The following FARSB variants were observed in gnomAD, a reference collection of about 807,000 sequenced individuals.
The protein encoded by FARSB is phenylalanine--tRNA ligase beta subunit.
FARSB carries 40 observed loss-of-function variants against 69.6 expected under a neutral mutation model. The observed-to-expected ratio is 0.57, with a 90% CI of 0.45 to 0.75. The LOEUF (loss-of-function observed/expected upper bound fraction) is 0.75. Among genes scored for constraint, FARSB ranks in the 30% least tolerant of loss-of-function variants. FARSB has a pLI of 0.00. For missense variants in FARSB, 632 were observed against 722.9 expected, an observed-to-expected ratio of 0.87 and a Z score of 1.44; for synonymous variants, 235 against 247.2, an observed-to-expected ratio of 0.95 and a Z score of 0.46.
At chr2:222,643,256 T>G (rs1475226415) in intron 2 of FARSB, among the ~76,000 whole-genome samples, 1 of 152,118 alleles carries the variant, frequency 6.6e-6, no homozygotes, top group Non-Finnish European at 1.5e-5. Context: ...AAAGCACAAA[T>G]CCATCTAAAC....
chr2:222,621,524 G>A (rs1691135271), intron 13 of FARSB, among the ~76,000 whole-genome samples: 4 of 152,042 alleles, frequency 2.6e-5, no homozygotes, highest in Admixed American at 2.6e-4. Context: ...TGCCTGCCAG[G>A]AACTTTTTTA....
chr2:222,594,377 A>C (rs1690358131), intron 16 of FARSB, among the ~76,000 whole-genome samples: 1 of 152,192 alleles, frequency 6.6e-6, no homozygotes, highest in African/African-American at 2.4e-5. Flanking sequence ...GTAAGTAAAT[A>C]AATAACATTA....
At chr2:222,649,678 C>T (rs1691976850) in intron 1 of FARSB, among the ~76,000 whole-genome samples, 1 of 152,150 alleles carries the variant, frequency 6.6e-6, no homozygotes, top group African/African-American at 2.4e-5. Context: ...GATTTAAATG[C>T]TAATGCATAA....
chr2:222,655,362 T>G (rs1692145318), intron 1 of FARSB, among the ~76,000 whole-genome samples: 1 of 152,162 alleles, frequency 6.6e-6, no homozygotes, highest in Non-Finnish European at 1.5e-5. Context: ...CCCATTCAGG[T>G]CTCAGATCAA....
intron 5 of FARSB, among the ~76,000 whole-genome samples, chr2:222,636,597 A>AT (rs1462597131): frequency 2.0e-5 from 3 of 152,184 alleles, no homozygotes; most frequent in African/African-American, 7.2e-5. Flanking sequence ...AACATTCCAA[A>AT]TATAGTAAGA....
intron 11 of FARSB, 103 bp from the exon 12 acceptor site, chr2:222,624,582 T>G (rs1003705774): frequency 1.2e-5 from 11 of 948,280 alleles, no homozygotes; most frequent in Non-Finnish European, 1.5e-5. Flanking sequence ...ACCTTTCTTT[T>G]TGAGTTCTAT....
intron 16 of FARSB, among the ~76,000 whole-genome samples, chr2:222,595,835 A>G (rs1690398475): frequency 6.6e-6 from 1 of 152,158 alleles, no homozygotes; most frequent in Non-Finnish European, 1.5e-5. Context: ...GGTTTTTGAA[A>G]AGGATAGATG....
intron 5 of FARSB, among the ~76,000 whole-genome samples, chr2:222,636,515 T>A (rs1691586367): frequency 6.6e-6 from 1 of 151,648 alleles, no homozygotes; most frequent in Non-Finnish European, 1.5e-5. Context: ...TTAAAAACCT[T>A]ACATGTCCAA....
At chr2:222,604,631 T>C (rs972505048) in intron 15 of FARSB, among the ~76,000 whole-genome samples, 1 of 151,998 alleles carries the variant, frequency 6.6e-6, no homozygotes, top group South Asian at 2.1e-4. Context: ...TCTTGGCTCA[T>C]TGCAGCCTTG....
Position 222,570,101 on chromosome 2 carries a change from T to C in FARSB, c.*1770A>G, listed in dbSNP as rs141768344. ...ATTTTAATGGGTATGCAGTTTGTCA[T>C]TGTGAATTTTAGTTGCATTTCCCTG... On this transcript the variant is annotated 3_prime_UTR_variant, in exon 17 of 17. Transcript: ENST00000281828. Among the ~76,000 whole-genome samples, 231 of 152,360 alleles carry C rather than the reference T, an allele frequency of 1.5e-3. 1 individual carries two copies. The highest frequency in any genetic ancestry group is 0.013 in the Admixed American group (200 of 15,304).
At position 222,571,741 on chromosome 2, in the gene FARSB, G is replaced by T; in HGVS notation, c.*130C>A. 1.3e-6 allele frequency: 1 copy of T among 767,612 alleles called. No individual in the cohort carries two copies. The highest frequency in any genetic ancestry group is 2.1e-6 in the Non-Finnish European group (1 of 481,226). 47.6% of individuals were successfully genotyped at this position (767,612 alleles called of 1,614,324 possible). ...GGAAAGGATGGTCTCTACCCACACA[G>T]CCAGACAGTGCTTTCTACTTTATTA... On this transcript the variant is annotated 3_prime_UTR_variant, in exon 17 of 17. Transcript: ENST00000281828.
chr2:222,634,558 TGAGGGAGAAGGAGGGAGGAAAG>T lies in FARSB; in HGVS notation c.456-39_456-18del. The T allele has an allele frequency of 6.3e-7, 1 of 1,597,202 alleles. No individual in the cohort carries two copies. Among genetic ancestry groups the T allele is most frequent in the Non-Finnish European group, 8.5e-7 (1 of 1,171,670 alleles). On this transcript the variant is annotated intron_variant, in intron 5 of 16. Transcript: ENST00000281828. ...GCTCTTTTCCTAATTGTTGAGAGGT[TGAGGGAGAAGGAGGGAGGAAAG>T]GAAAGGAGGAGAATGAGACAGATTT...
rs569818206 is a variant in FARSB at position 222,571,466 on chromosome 2, G to A, written c.*405C>T. On this transcript the variant is annotated 3_prime_UTR_variant, in exon 17 of 17. Transcript: ENST00000281828. Reference sequence around the variant, plus strand: ...CAAAGCTAAACCCCTCAGTTATCTCGAACTCATGCAACATGAATTCTCATC... The same window carrying A: ...CAAAGCTAAACCCCTCAGTTATCTCAAACTCATGCAACATGAATTCTCATC... 1.3e-5 allele frequency: 1 copy of A among 75,536 alleles called. No homozygotes were observed. The highest frequency in any genetic ancestry group is 3.1e-5 in the Non-Finnish European group (1 of 31,990). 4.7% of individuals were successfully genotyped at this position (75,536 alleles called of 1,614,324 possible). A position where few individuals can be genotyped will look rare whatever the true frequency, so the allele number is the denominator to read the frequency against.
At chr2:222,614,335 AGCCTCAAAT>A (rs1349825311) in intron 14 of FARSB, among the ~76,000 whole-genome samples, 1 of 152,128 alleles carries the variant, frequency 6.6e-6, no homozygotes, top group African/African-American at 2.4e-5. Context: ...AGCTCACTGC[AGCCTCAAAT>A]GCCTCAAATG....
chr2:222,590,841 G>A (rs1027773951), intron 16 of FARSB, among the ~76,000 whole-genome samples: 8 of 152,074 alleles, frequency 5.3e-5, no homozygotes, highest in African/African-American at 1.4e-4. Flanking sequence ...TGGGGACATC[G>A]GGACTTATTA....
intron 15 of FARSB, among the ~76,000 whole-genome samples, chr2:222,601,501 A>AG (rs1690560379): frequency 6.6e-6 from 1 of 152,140 alleles, no homozygotes; most frequent in Non-Finnish European, 1.5e-5. Context: ...CCATGAACAG[A>AG]GAAAAAGACT....
chr2:222,577,987 G>A (rs949228807), intron 16 of FARSB, among the ~76,000 whole-genome samples: 2 of 152,134 alleles, frequency 1.3e-5, no homozygotes, highest in Non-Finnish European at 2.9e-5. Flanking sequence ...GCTTCAAGAT[G>A]ACCCAGCTAA....
intron 16 of FARSB, among the ~76,000 whole-genome samples, chr2:222,572,822 C>T (rs1166942713): frequency 2.0e-5 from 3 of 152,176 alleles, no homozygotes; most frequent in Non-Finnish European, 4.4e-5. Flanking sequence ...TATGGGCCCA[C>T]TCCATATTCA....
intron 16 of FARSB, among the ~76,000 whole-genome samples, chr2:222,574,130 T>C (rs1482332790): frequency 3.3e-5 from 5 of 152,056 alleles, no homozygotes. Context: ...TTAGAATTTT[T>C]ACTTCATAAA....
Sources: gnomAD v4.1 joint callset for allele counts (sites outside exome capture counted in the v4.1 genomes callset) on GRCh38, gnomAD v4.1.1 for gene constraint, MANE v1.5 for transcripts, NCBI Gene and HGNC (gene_info 2026-07-23, HGNC 2026-07-21) for gene names.